PLCXD2: variants seen among roughly 807,000 people sequenced by gnomAD.
The protein encoded by PLCXD2 is PI-PLC X domain-containing protein 2.
Under a neutral mutation model 28.6 loss-of-function variants are expected in PLCXD2, and 21 were observed. That is an observed-to-expected ratio of 0.73 (90% confidence interval 0.52 to 1.06). PLCXD2 has a LOEUF of 1.06. PLCXD2 is among the 50% of genes least tolerant of loss of function. PLCXD2 has a pLI of 0.00. For missense variants in PLCXD2, 369 were observed against 376.7 expected, an observed-to-expected ratio of 0.98 and a Z score of 0.17; for synonymous variants, 140 against 150.1, an observed-to-expected ratio of 0.93 and a Z score of 0.49.
At chr3:111,686,200 C>T (rs186299116) in intron 1 of PLCXD2, among the ~76,000 whole-genome samples, 28 of 152,282 alleles carry the variant, frequency 1.8e-4, no homozygotes, top group African/African-American at 6.5e-4. Context: ...TGATTTACTT[C>T]AATTATCTCT....
chr3:111,681,583 C>G (rs1268478851), intron 1 of PLCXD2, among the ~76,000 whole-genome samples: 1 of 152,182 alleles, frequency 6.6e-6, no homozygotes, highest in Non-Finnish European at 1.5e-5. Flanking sequence ...ACATGTACCA[C>G]CCATTACCCA....
intron 2 of PLCXD2, among the ~76,000 whole-genome samples, chr3:111,711,797 C>A (rs1244299162): frequency 6.6e-6 from 1 of 152,060 alleles, no homozygotes; most frequent in African/African-American, 2.4e-5. Flanking sequence ...GATAAAAGTG[C>A]CTCAAATGTT....
chr3:111,704,446 T>C (rs573552355), intron 1 of PLCXD2, among the ~76,000 whole-genome samples: 3 of 152,366 alleles, frequency 2.0e-5, no homozygotes, highest in African/African-American at 7.2e-5. Flanking sequence ...ATAGCTACTA[T>C]TGAAATATTT....
Position 111,675,172 on chromosome 3 carries a change from C to T in PLCXD2, c.-74C>T. ...GTGGCAAGCGTCGCCCTGAAACGTCCACAGAGCCCAAGAAGTGATGATCAC... is the reference window on the plus strand; with the variant it reads ...GTGGCAAGCGTCGCCCTGAAACGTCTACAGAGCCCAAGAAGTGATGATCAC... On this transcript the variant is annotated 5_prime_UTR_variant, in exon 1 of 5. Transcript: ENST00000477665. 6.5e-7 allele frequency: 1 copy of T among 1,535,802 alleles called. No homozygotes were observed. The highest frequency in any genetic ancestry group is 1.2e-5 in the South Asian group (1 of 81,840).
intron 3 of PLCXD2, among the ~76,000 whole-genome samples, chr3:111,720,029 G>T (rs1469306336): frequency 6.6e-6 from 1 of 152,122 alleles, no homozygotes; most frequent in Non-Finnish European, 1.5e-5. Flanking sequence ...TTGATGGAAG[G>T]ATAGTGACAG....
intron 3 of PLCXD2, chr3:111,722,461 G>T (rs541289331): frequency 2.6e-5 from 4 of 152,106 alleles, no homozygotes; most frequent in Non-Finnish European, 5.9e-5. Flanking sequence ...GCCCATGAAC[G>T]AAGATAAAAT....
intron 3 of PLCXD2, chr3:111,722,162 A>G (rs1456398823): frequency 1.4e-5 from 2 of 140,478 alleles, no homozygotes; most frequent in African/African-American, 5.1e-5. Flanking sequence ...GCTTATCTAT[A>G]AGGAGCCCTC....
At chr3:111,704,645 C>A (rs1941091697) in intron 1 of PLCXD2, among the ~76,000 whole-genome samples, 1 of 152,088 alleles carries the variant, frequency 6.6e-6, no homozygotes, top group Admixed American at 6.6e-5. Context: ...GTATAATGAT[C>A]AAATCAGTGT....
chr3:111,721,062 C>T (rs938044329), intron 3 of PLCXD2: 6 of 374,546 alleles, frequency 1.6e-5, no homozygotes, highest in African/African-American at 1.0e-4. Context: ...TGCATTTTTC[C>T]CAAATGAGAC....
Position 111,707,726 on chromosome 3 carries a change from A to G in PLCXD2, c.164-200A>G, listed in dbSNP as rs141216665. ...TATATGAAAACTATAGTATTACCCC[A>G]GGCTTAACAAGCTGCTACATTACTT... On this transcript the variant is annotated intron_variant, in intron 1 of 4. Transcript: ENST00000477665. Among the ~76,000 whole-genome samples, 172 of 152,320 alleles carry G rather than the reference A, an allele frequency of 1.1e-3. 2 individuals are homozygous for G. The highest frequency in any genetic ancestry group is 3.7e-3 in the African/African-American group (152 of 41,566).
Position 111,686,633 on chromosome 3 carries a change from C to CA in PLCXD2, c.163+11226dup, listed in dbSNP as rs1270306832. Among the ~76,000 whole-genome samples the CA allele has an allele frequency of 3.3e-5, 5 of 152,188 alleles. 1 individual carries two copies. The highest frequency in any genetic ancestry group is 1.3e-4 in the Admixed American group (2 of 15,278). ...AATTTTGTATACCCTAAAGATGCCTCAGCCTTTCTCTACTTGTTAATATGG... is the reference window on the plus strand; with the variant it reads ...AATTTTGTATACCCTAAAGATGCCTCAAGCCTTTCTCTACTTGTTAATATGG... On this transcript the variant is annotated intron_variant, in intron 1 of 4. Coordinates refer to ENST00000477665, the MANE Select transcript of PLCXD2 (RefSeq NM_001185106.1).
chr3:111,719,705 G>GA (rs993849182), intron 3 of PLCXD2, among the ~76,000 whole-genome samples: 19 of 151,528 alleles, frequency 1.3e-4, no homozygotes, highest in Non-Finnish European at 2.2e-4. Flanking sequence ...ATCTACAGTG[G>GA]AAAAAAAAAT....
intron 2 of PLCXD2, among the ~76,000 whole-genome samples, chr3:111,709,166 C>T (rs1275018396): frequency 6.6e-6 from 1 of 150,628 alleles, no homozygotes; most frequent in Non-Finnish European, 1.5e-5. Context: ...ACCAAAACAA[C>T]TTTACGAGGC....
chr3:111,687,052 C>T (rs1178584746), intron 1 of PLCXD2, among the ~76,000 whole-genome samples: 1 of 152,168 alleles, frequency 6.6e-6, no homozygotes, highest in African/African-American at 2.4e-5. Context: ...GGCCCACCAG[C>T]CTTAGGCAAC....
At chr3:111,686,278 C>T (rs1020940219) in intron 1 of PLCXD2, among the ~76,000 whole-genome samples, 1 of 152,190 alleles carries the variant, frequency 6.6e-6, no homozygotes, top group Non-Finnish European at 1.5e-5. Context: ...TGTCTCTCCT[C>T]AGACAGTGAG....
At chr3:111,705,391 T>C (rs753461934) in intron 1 of PLCXD2, among the ~76,000 whole-genome samples, 34 of 152,194 alleles carry the variant, frequency 2.2e-4, no homozygotes, top group Non-Finnish European at 4.7e-4. Flanking sequence ...TTATACCACA[T>C]TTTTTATCCA....
chr3:111,675,486 C>G, intron 1 of PLCXD2, 78 bp downstream of exon 1: 2 of 1,530,992 alleles, frequency 1.3e-6, no homozygotes, highest in South Asian at 2.2e-5. Flanking sequence ...GGTTGCTTTT[C>G]TATTGTGCTG....
chr3:111,726,142 C>T (rs530718575), intron 3 of PLCXD2: 3 of 340,600 alleles, frequency 8.8e-6, no homozygotes, highest in East Asian at 8.9e-5. Context: ...AGAAGCACAG[C>T]ACTTTGAAAA....
chr3:111,704,636 T>C (rs919576976), intron 1 of PLCXD2, among the ~76,000 whole-genome samples: 1 of 152,218 alleles, frequency 6.6e-6, no homozygotes, highest in Non-Finnish European at 1.5e-5. Context: ...GTATACAATG[T>C]ATAATGATCA....
Sources: gnomAD v4.1 joint callset for allele counts (sites outside exome capture counted in the v4.1 genomes callset) on GRCh38, gnomAD v4.1.1 for gene constraint, MANE v1.5 for transcripts, NCBI Gene and HGNC (gene_info 2026-07-23, HGNC 2026-07-21) for gene names.